Variants in PAPPA2 observed in about 807,000 individuals in gnomAD.
The protein encoded by PAPPA2 is pappalysin-2.
A neutral mutation model predicts 176.4 loss-of-function variants in PAPPA2; 86 were observed. The ratio of observed to expected loss-of-function variants is 0.49; its 90% CI spans 0.41 to 0.58. The LOEUF (loss-of-function observed/expected upper bound fraction) is 0.58. Ranked by LOEUF, PAPPA2 falls within the 20% of genes least tolerant of loss-of-function variation. The pLI is 0.00. For synonymous variants in PAPPA2, 809 were observed against 852.2 expected, an observed-to-expected ratio of 0.95 and a Z score of 0.88; for missense variants, 2,073 against 2,256.9, an observed-to-expected ratio of 0.92 and a Z score of 1.65.
chr1:176,666,613 G>GA (rs1658665200), intron 3 of PAPPA2, among the ~76,000 whole-genome samples: 1 of 149,868 alleles, frequency 6.7e-6, no homozygotes, highest in African/African-American at 2.5e-5. Context: ...GTGTGTGAGA[G>GA]AGAGAGAGAG....
chr1:176,773,477 T>C (rs958668617), intron 17 of PAPPA2, among the ~76,000 whole-genome samples: 3 of 152,194 alleles, frequency 2.0e-5, no homozygotes. Flanking sequence ...GGGCACATGC[T>C]AATTTTATGC....
intron 4 of PAPPA2, among the ~76,000 whole-genome samples, chr1:176,684,387 T>TG (rs1659735271): frequency 6.6e-6 from 1 of 152,008 alleles, no homozygotes; most frequent in African/African-American, 2.4e-5. Context: ...TGAGAGAAGG[T>TG]GGGGGAGCCT....
At chr1:176,841,622 G>A (rs969193172) in intron 22 of PAPPA2, among the ~76,000 whole-genome samples, 6 of 152,078 alleles carry the variant, frequency 3.9e-5, no homozygotes, top group African/African-American at 1.4e-4. Flanking sequence ...AGTTATGGAT[G>A]TAGCATTTAT....
chr1:176,632,084 T>A lies in PAPPA2; in HGVS notation c.1991+36489T>A, dbSNP rs550906966. On this transcript the variant is annotated intron_variant, in intron 3 of 22. Transcript: ENST00000367662. ...AGGAAGCAAATCTGTTAAGGTTGAG[T>A]GGAATTTGGCTTGGTAGATGGTTTA... Among the ~76,000 whole-genome samples, 3 of 152,212 alleles carry A rather than the reference T, an allele frequency of 2.0e-5. No individual in the cohort carries two copies. The South Asian group carries it at 6.2e-4, about 32-fold the overall frequency.
intron 1 of PAPPA2, among the ~76,000 whole-genome samples, chr1:176,508,226 G>A (rs760867358): frequency 5.3e-5 from 8 of 152,160 alleles, no homozygotes; most frequent in Non-Finnish European, 7.3e-5. Flanking sequence ...ACCAAATGTG[G>A]CATTCCGTAA....
intron 1 of PAPPA2, among the ~76,000 whole-genome samples, chr1:176,550,140 G>T (rs1028945259): frequency 6.6e-6 from 1 of 152,188 alleles, no homozygotes; most frequent in Non-Finnish European, 1.5e-5. Context: ...TTAGCATAAT[G>T]CATTTGAAAT....
At chr1:176,519,158 A>G (rs943288106) in intron 1 of PAPPA2, among the ~76,000 whole-genome samples, 1 of 152,236 alleles carries the variant, frequency 6.6e-6, no homozygotes, top group African/African-American at 2.4e-5. Flanking sequence ...ACATGACATT[A>G]GAATCTAATT....
At chr1:176,515,948 C>T (rs781089486) in intron 1 of PAPPA2, among the ~76,000 whole-genome samples, 6 of 152,154 alleles carry the variant, frequency 3.9e-5, no homozygotes, top group African/African-American at 9.7e-5. Flanking sequence ...CAACAGTTCT[C>T]GGAAGGAGGT....
At chr1:176,717,771 A>G (rs1661443756) in intron 12 of PAPPA2, among the ~76,000 whole-genome samples, 1 of 152,242 alleles carries the variant, frequency 6.6e-6, no homozygotes, top group Admixed American at 6.5e-5. Flanking sequence ...TTACTATATT[A>G]ACTCACATTA....
At chr1:176,549,408 G>A (rs2102578356) in intron 1 of PAPPA2, among the ~76,000 whole-genome samples, 1 of 152,306 alleles carries the variant, frequency 6.6e-6, no homozygotes, top group South Asian at 2.1e-4. Context: ...TCTTAGAAAA[G>A]TGTTGGGCTG....
intron 3 of PAPPA2, among the ~76,000 whole-genome samples, chr1:176,664,961 C>A (rs910981522): frequency 1.6e-4 from 24 of 152,170 alleles, no homozygotes; most frequent in African/African-American, 5.3e-4. Context: ...GGGTCATCAG[C>A]AGTTGGTTGA....
chr1:176,808,721 C>T (rs1234880989), intron 21 of PAPPA2, among the ~76,000 whole-genome samples: 1 of 151,974 alleles, frequency 6.6e-6, no homozygotes, highest in African/African-American at 2.4e-5. Flanking sequence ...TTCTACTTTC[C>T]CTTTAGGGTT....
chr1:176,612,886 G>A (rs1011088436), intron 3 of PAPPA2, among the ~76,000 whole-genome samples: 7 of 152,088 alleles, frequency 4.6e-5, no homozygotes, highest in Non-Finnish European at 1.0e-4. Flanking sequence ...TCTGGAGGTC[G>A]GGGAGGAAGG....
At chr1:176,494,940 T>A (rs1162240931) in intron 1 of PAPPA2, among the ~76,000 whole-genome samples, 1 of 152,182 alleles carries the variant, frequency 6.6e-6, no homozygotes, top group Non-Finnish European at 1.5e-5. Flanking sequence ...TGCATTTAAT[T>A]AGGTAGGTGA....
At chr1:176,797,589 G>A (rs1665502418) in intron 20 of PAPPA2, among the ~76,000 whole-genome samples, 1 of 152,112 alleles carries the variant, frequency 6.6e-6, no homozygotes, top group African/African-American at 2.4e-5. Context: ...TGAGGCTGCA[G>A]TGAGCCATGA....
intron 2 of PAPPA2, among the ~76,000 whole-genome samples, chr1:176,561,857 A>G (rs1365469763): frequency 6.6e-6 from 1 of 152,198 alleles, no homozygotes; most frequent in African/African-American, 2.4e-5. Flanking sequence ...ACAGTTCCAC[A>G]TGGCTGGGGA....
intron 1 of PAPPA2, among the ~76,000 whole-genome samples, chr1:176,505,233 C>T (rs1430851414): frequency 2.0e-5 from 3 of 152,014 alleles, no homozygotes; most frequent in Non-Finnish European, 4.4e-5. Context: ...TTCTTTCAAC[C>T]CTTCCAAGGC....
intron 1 of PAPPA2, among the ~76,000 whole-genome samples, chr1:176,468,287 G>C (rs953987032): frequency 6.6e-6 from 1 of 152,116 alleles, no homozygotes; most frequent in African/African-American, 2.4e-5. Flanking sequence ...TTTGTACTCA[G>C]TTAAGGGCTT....
At chr1:176,823,690 G>A (rs537804393) in intron 21 of PAPPA2, among the ~76,000 whole-genome samples, 99 of 152,234 alleles carry the variant, frequency 6.5e-4, no homozygotes, top group African/African-American at 2.3e-3. Context: ...AAGTGAGGCC[G>A]GTAACTCTTG....
Sources: gnomAD v4.1 joint callset for allele counts (sites outside exome capture counted in the v4.1 genomes callset) on GRCh38, gnomAD v4.1.1 for gene constraint, MANE v1.5 for transcripts, NCBI Gene and HGNC (gene_info 2026-07-23, HGNC 2026-07-21) for gene names.